Variants in NLN observed in about 807,000 individuals in gnomAD.
The protein encoded by NLN is neurolysin, mitochondrial.
Under a neutral mutation model 79.9 loss-of-function variants are expected in NLN, and 64 were observed. The observed-to-expected ratio is 0.80, with a 90% CI of 0.65 to 0.99. NLN has a LOEUF of 0.99. Among genes scored for constraint, NLN ranks in the 50% least tolerant of loss-of-function variants. The pLI, the probability that NLN is intolerant of heterozygous loss-of-function variation, is 0.00. For missense variants in NLN, 835 were observed against 858.7 expected, an observed-to-expected ratio of 0.97 and a Z score of 0.34; for synonymous variants, 267 against 296.6, an observed-to-expected ratio of 0.90 and a Z score of 1.02.
intron 12 of NLN, among the ~76,000 whole-genome samples, chr5:65,817,147 A>G (rs1417276903): frequency 6.6e-6 from 1 of 152,176 alleles, no homozygotes. Context: ...ATCAAAGTAT[A>G]ATAACTGACT....
Position 65,792,510 on chromosome 5 carries a change from C to G in NLN, c.1382C>G (p.Pro461Arg). Residue 461 changes from proline to arginine, a missense_variant, in exon 9 of 13, where the codon CCT becomes CGT. Physicochemically the swap from Pro to Arg is moderately radical, Grantham distance 103. Transcript: ENST00000380985. ...GGTCTCCAGCCTGGCTGCCTTCTGCCTGATGGAAGCCGGATGATGGCAGTG... is the reference window on the plus strand; with the variant it reads ...GGTCTCCAGCCTGGCTGCCTTCTGCGTGATGGAAGCCGGATGATGGCAGTG... ...CFGLQPGCLL[P>R]DGSRMMAVAA... The G allele has an allele frequency of 6.2e-7, 1 of 1,614,146 alleles. No individual in the cohort carries two copies. The highest frequency in any genetic ancestry group is 8.5e-7 in the Non-Finnish European group (1 of 1,180,008).
In NLN at chr5:65,730,971, T is replaced by C. The variant is rs1403007789; in HGVS notation, c.41+8557T>C. On this transcript the variant is annotated intron_variant, in intron 1 of 12. Coordinates refer to ENST00000380985, the MANE Select transcript of NLN (RefSeq NM_020726.5). ...ACTGAATTTCAGTGGAGTACAATGATCAATGTTTATTTTTGCTGACAAATC... is the reference window on the plus strand; with the variant it reads ...ACTGAATTTCAGTGGAGTACAATGACCAATGTTTATTTTTGCTGACAAATC... Among the ~76,000 whole-genome samples the C allele has an allele frequency of 1.3e-5, 2 of 152,218 alleles. 1 individual carries two copies. Among genetic ancestry groups the C allele is most frequent in the East Asian group, 3.8e-4 (2 of 5,204 alleles).
chr5:65,821,318 G>T (rs1400659870), intron 12 of NLN, among the ~76,000 whole-genome samples: 1 of 152,060 alleles, frequency 6.6e-6, no homozygotes, highest in Non-Finnish European at 1.5e-5. Context: ...TATGCTCTGG[G>T]CCCTAGACCT....
In NLN at chr5:65,812,295, A is replaced by G. The variant is rs775645298; in HGVS notation, c.1884A>G (p.Gly628=). Residue 628 remains glycine (G), a synonymous_variant, in exon 12 of 13, where the codon GGA becomes GGG. Transcript: ENST00000380985. The part of the protein sequence containing the change: ...MPATFGHLAG[G]YDGQYYGYLW... ...CTACCTTTGGACATTTGGCAGGGGG[A>G]TACGATGGCCAATATTATGGATATC... 57 of 1,611,356 alleles carry G rather than the reference A, an allele frequency of 3.5e-5. No individual in the cohort carries two copies. Among genetic ancestry groups the G allele is most frequent in the Non-Finnish European group, 4.4e-5 (52 of 1,177,606 alleles).
intron 12 of NLN, among the ~76,000 whole-genome samples, chr5:65,817,365 T>C (rs1342917964): frequency 6.6e-6 from 1 of 152,218 alleles, no homozygotes; most frequent in Non-Finnish European, 1.5e-5. Context: ...TAAATAATTA[T>C]GGAATGGAAC....
chr5:65,737,112 C>G lies in NLN; in HGVS notation c.41+14698C>G, dbSNP rs184328049. 2.9e-3 allele frequency among the ~76,000 whole-genome samples: 444 copies of G among 152,012 alleles called. 2 individuals are homozygous for G. The highest frequency in any genetic ancestry group is 0.01 in the African/African-American group (430 of 41,392). On this transcript the variant is annotated intron_variant, in intron 1 of 12. Transcript: ENST00000380985. ...AAAGGGAGACTCTGTCCAGCCTATG[C>G]GACAGAGGGAGACTGTCTCCAAAAA...
At position 65,731,629 on chromosome 5, in the gene NLN, T is replaced by C. The variant is rs1267023285; in HGVS notation, c.41+9215T>C. ...CTTTATCCCTACAAAAGTTTAAATTTTTATACAGTCAGAAATATCAGTCTT... is the reference window on the plus strand; with the variant it reads ...CTTTATCCCTACAAAAGTTTAAATTCTTATACAGTCAGAAATATCAGTCTT... On this transcript the variant is annotated intron_variant, in intron 1 of 12. Coordinates refer to ENST00000380985, the MANE Select transcript of NLN (RefSeq NM_020726.5). Among the ~76,000 whole-genome samples the C allele has an allele frequency of 2.0e-5, 3 of 152,104 alleles. No individual in the cohort carries two copies. In the East Asian group the frequency reaches 5.8e-4, roughly 29 times the overall value.
At chr5:65,804,679 C>T (rs1468983033) in intron 9 of NLN, among the ~76,000 whole-genome samples, 1 of 152,112 alleles carries the variant, frequency 6.6e-6, no homozygotes, top group Non-Finnish European at 1.5e-5. Context: ...CAGGCACATA[C>T]CACCACACCC....
intron 1 of NLN, among the ~76,000 whole-genome samples, chr5:65,753,231 A>T (rs1315336854): frequency 6.6e-6 from 1 of 152,244 alleles, no homozygotes; most frequent in African/African-American, 2.4e-5. Flanking sequence ...TTAAAAACAA[A>T]ATAAGACTTA....
At position 65,763,018 on chromosome 5, in the gene NLN, A is replaced by C; in HGVS notation, c.360A>C (p.Ala120=). Residue 120 remains alanine (A), a synonymous_variant, in exon 3 of 13, where the codon GCA becomes GCC. Coordinates refer to ENST00000380985, the MANE Select transcript of NLN (RefSeq NM_020726.5). ...QHVSSDKEVR[A]ASTEADKRLS... ...TATCCTCTGACAAAGAAGTACGAGC[A>C]GCAAGTACAGAAGCAGACAAAAGAC... The C allele has an allele frequency of 3.1e-6, 5 of 1,614,042 alleles. No homozygotes were observed. Among genetic ancestry groups the C allele is most frequent in the Non-Finnish European group, 4.2e-6 (5 of 1,179,918 alleles).
At chr5:65,784,520 C>CT (rs1330390121) in intron 6 of NLN, among the ~76,000 whole-genome samples, 2 of 152,076 alleles carry the variant, frequency 1.3e-5, no homozygotes, top group Non-Finnish European at 2.9e-5. Context: ...TAGAAAGGGC[C>CT]TTTTTTCTAT....
chr5:65,746,606 T>C (rs966072336), intron 1 of NLN, among the ~76,000 whole-genome samples: 1 of 152,202 alleles, frequency 6.6e-6, no homozygotes, highest in African/African-American at 2.4e-5. Context: ...TGGTGTCTAG[T>C]GGGGGACCCA....
At chr5:65,794,431 C>G (rs796409406) in intron 9 of NLN, among the ~76,000 whole-genome samples, 9 of 152,082 alleles carry the variant, frequency 5.9e-5, no homozygotes, top group African/African-American at 2.2e-4. Flanking sequence ...ATTGTGAAAC[C>G]CAGTCTCTAC....
In NLN at chr5:65,788,424, C is replaced by T; in HGVS notation, c.1265C>T (p.Thr422Ile). 6.2e-7 allele frequency: 1 copy of T among 1,613,762 alleles called. No individual in the cohort carries two copies. Among genetic ancestry groups the T allele is most frequent in the Non-Finnish European group, 8.5e-7 (1 of 1,179,628 alleles). ...HVWNKSVTLY[T>I]VKDKATGEVL... ...TGGAACAAGAGTGTTACACTTTATA[C>T]TGTGAAGGATAAAGCTACAGGAGAA... is the stretch of plus-strand genomic sequence containing the variant. The change falls in exon 8 of 13, where the codon ACT becomes ATT. Residue 422 changes from threonine (T) to isoleucine (I), a missense_variant. Thr to Ile is a moderately conservative substitution (Grantham distance 89). Coordinates refer to ENST00000380985, the MANE Select transcript of NLN (RefSeq NM_020726.5).
chr5:65,747,405 C>A (rs916348217), intron 1 of NLN, among the ~76,000 whole-genome samples: 1 of 152,128 alleles, frequency 6.6e-6, no homozygotes, highest in African/African-American at 2.4e-5. Flanking sequence ...CTGTTCAGAG[C>A]CTGCTATGAG....
Position 65,758,620 on chromosome 5 carries a change from C to A in NLN, c.95C>A (p.Ser32Tyr). Residue 32 changes from serine to tyrosine, a missense_variant, in exon 2 of 13, where the codon TCT becomes TAT. Physicochemically the swap from Ser to Tyr is moderately radical, Grantham distance 144 (BLOSUM62 -2). Coordinates refer to ENST00000380985, the MANE Select transcript of NLN (RefSeq NM_020726.5). ...LRMTLGREVM[S>Y]PLQAMSSYTV... Reference sequence around the variant, plus strand: ...ATGACGTTAGGAAGAGAAGTGATGTCTCCTCTTCAGGCAATGTCTTCCTAT... The same window carrying A: ...ATGACGTTAGGAAGAGAAGTGATGTATCCTCTTCAGGCAATGTCTTCCTAT... 1 of 1,610,036 alleles carries A rather than the reference C, an allele frequency of 6.2e-7. No homozygotes were observed. The highest frequency in any genetic ancestry group is 8.5e-7 in the Non-Finnish European group (1 of 1,176,424).
At chr5:65,755,377 A>G (rs1009637167) in intron 1 of NLN, among the ~76,000 whole-genome samples, 2 of 152,192 alleles carry the variant, frequency 1.3e-5, no homozygotes, top group African/African-American at 2.4e-5. Flanking sequence ...ATAATGCATC[A>G]TCTTTGATTT....
At chr5:65,775,502 C>T (rs1251438043) in intron 3 of NLN, among the ~76,000 whole-genome samples, 2 of 152,204 alleles carry the variant, frequency 1.3e-5, no homozygotes, top group Non-Finnish European at 2.9e-5. Context: ...ACCAGGGATT[C>T]CTCCCAAGTC....
At chr5:65,777,371 ATAAT>A (rs1462920626) in intron 3 of NLN, 52 bp from the exon 4 acceptor site, 1 of 1,128,578 alleles carries the variant, frequency 8.9e-7, no homozygotes, top group Non-Finnish European at 1.3e-6. Context: ...CTCATAGTTT[ATAAT>A]TTACCTGTGC....
Sources: allele counts gnomAD v4.1 joint callset (sites outside exome capture counted in the v4.1 genomes callset), GRCh38; gene constraint gnomAD v4.1.1; transcripts MANE v1.5; gene names NCBI Gene and HGNC (gene_info 2026-07-23, HGNC 2026-07-21).